Variants in ALG5 observed in about 807,000 individuals in gnomAD.
ALG5 encodes the protein dolichyl-phosphate beta-glucosyltransferase.
ALG5 carries 26 observed loss-of-function variants against 51.8 expected under a neutral mutation model. The observed-to-expected ratio is 0.50, with a 90% confidence interval of 0.37 to 0.70. The LOEUF (loss-of-function observed/expected upper bound fraction) is 0.70, where lower values mean the gene tolerates loss of function less well. Among genes scored for constraint, ALG5 ranks in the 30% least tolerant of loss-of-function variants. The pLI, the probability that ALG5 is intolerant of heterozygous loss-of-function variation, is 0.00. For synonymous variants in ALG5, 141 were observed against 136.1 expected, an observed-to-expected ratio of 1.04 and a Z score of -0.25; for missense variants, 311 against 399.3, an observed-to-expected ratio of 0.78 and a Z score of 1.88.
chr13:36,982,253 G>C (rs965670798), intron 6 of ALG5, among the ~76,000 whole-genome samples: 2 of 152,186 alleles, frequency 1.3e-5, no homozygotes, highest in Non-Finnish European at 2.9e-5. Flanking sequence ...CAATGGAAGG[G>C]GGTGATTAAA....
chr13:36,964,535 A>G (rs1353044000), intron 8 of ALG5, among the ~76,000 whole-genome samples: 1 of 152,202 alleles, frequency 6.6e-6, no homozygotes, highest in Non-Finnish European at 1.5e-5. Flanking sequence ...TATCTCCAGT[A>G]TATTTCAAAA....
At chr13:36,978,772 C>A (rs893457253) in intron 6 of ALG5, among the ~76,000 whole-genome samples, 1 of 151,246 alleles carries the variant, frequency 6.6e-6, no homozygotes, top group Non-Finnish European at 1.5e-5. Flanking sequence ...AAAAGTTAGC[C>A]GGGCCTGGTG....
chr13:36,963,711 A>G (rs2058878852), intron 8 of ALG5, among the ~76,000 whole-genome samples: 1 of 152,240 alleles, frequency 6.6e-6, no homozygotes, highest in African/African-American at 2.4e-5. Flanking sequence ...CTGAATGATA[A>G]TTCTGAAAAT....
At chr13:36,960,295 G>C (rs141001401) in intron 8 of ALG5, among the ~76,000 whole-genome samples, 2 of 152,194 alleles carry the variant, frequency 1.3e-5, no homozygotes, top group East Asian at 1.9e-4. Context: ...CTGAACAACT[G>C]AGAAATAGCT....
At chr13:36,995,128 C>CT (rs1277536235) in intron 2 of ALG5, 93 bp from the exon 3 acceptor site, 15 of 1,087,196 alleles carry the variant, frequency 1.4e-5, no homozygotes, top group Non-Finnish European at 1.9e-5. Context: ...TCCCAATAAT[C>CT]TAACAAGCCC....
At chr13:36,988,727 G>C (rs749000057) in intron 5 of ALG5, among the ~76,000 whole-genome samples, 2 of 150,184 alleles carry the variant, frequency 1.3e-5, no homozygotes, top group Non-Finnish European at 2.9e-5. Flanking sequence ...TCTCCTTCCT[G>C]TTGAATGTGG....
At chr13:36,974,108 G>A (rs995746206) in intron 6 of ALG5, among the ~76,000 whole-genome samples, 5 of 152,140 alleles carry the variant, frequency 3.3e-5, no homozygotes, top group African/African-American at 1.2e-4. Flanking sequence ...GAATGAGGAA[G>A]GTCTTTATGC....
intron 4 of ALG5, among the ~76,000 whole-genome samples, chr13:36,990,582 T>C (rs1312282446): frequency 1.7e-5 from 2 of 119,598 alleles, no homozygotes; most frequent in Non-Finnish European, 3.4e-5. Context: ...GGCTTAATTA[T>C]AGCTTATATT....
Position 36,971,269 on chromosome 13 carries a change from A to T in ALG5, c.621+708T>A, listed in dbSNP as rs181760957. On this transcript the variant is annotated intron_variant, in intron 7 of 9. Transcript: ENST00000239891. The stretch of plus-strand genomic sequence containing the variant: ...CTAAGAGGAATGAGGTTAAAAAAAA[A>T]TTTTTAACTGAATAAAATTCAAAAT... Among the ~76,000 whole-genome samples the T allele has an allele frequency of 4.6e-3, 708 of 152,296 alleles. 3 individuals are homozygous for T. The highest frequency in any genetic ancestry group is 0.015 in the African/African-American group (622 of 41,544).
intron 8 of ALG5, among the ~76,000 whole-genome samples, chr13:36,956,390 T>A (rs1441389199): frequency 1.3e-5 from 2 of 152,140 alleles, no homozygotes; most frequent in Non-Finnish European, 2.9e-5. Context: ...GAATGTAAAT[T>A]AGTATAGTGA....
At position 36,993,633 on chromosome 13, in the gene ALG5, C is replaced by T. The variant is rs1174237998; in HGVS notation, c.325G>A (p.Asp109Asn). 6.2e-7 allele frequency: 1 copy of T among 1,613,684 alleles called. No homozygotes were observed. Among genetic ancestry groups the T allele is most frequent in the Non-Finnish European group, 8.5e-7 (1 of 1,179,966 alleles). The stretch of plus-strand genomic sequence containing the variant: ...GAGGTCTGATCTTTACTGCCATCAT[C>T]AACTACTATCACTTCATAAGTGAAC... ...PAFTYEVIVV[D>N]DGSKDQTSKV... The change falls in exon 4 of 10, where the codon GAT becomes AAT. Residue 109 changes from aspartate (D) to asparagine (N), a missense_variant. By Grantham distance (23) the Asp-to-Asn change is conservative. Coordinates refer to ENST00000239891, the MANE Select transcript of ALG5 (RefSeq NM_013338.5).
Position 36,989,508 on chromosome 13 carries a change from A to G in ALG5, c.423T>C (p.Arg141=). ...KVRVITLVKN[R]GKGGAIRMGI... ...CCATTCTAATCGCTCCACCTTTTCC[A>G]CGATTCTTCACCAGGGTTATCACAC... The change falls in exon 5 of 10, where the codon CGT becomes CGC. Residue 141 remains arginine (R), a synonymous_variant. Transcript: ENST00000239891. The G allele has an allele frequency of 6.2e-7, 1 of 1,612,590 alleles. No homozygotes were observed. The highest frequency in any genetic ancestry group is 8.5e-7 in the Non-Finnish European group (1 of 1,179,128).
chr13:36,997,308 A>G (rs2059055288), intron 1 of ALG5, among the ~76,000 whole-genome samples: 1 of 151,972 alleles, frequency 6.6e-6, no homozygotes, highest in Admixed American at 6.6e-5. Flanking sequence ...CCCCATCTCT[A>G]TTAAAAGTAC....
At chr13:36,951,056 A>G (rs761170159) in intron 9 of ALG5, among the ~76,000 whole-genome samples, 1 of 152,174 alleles carries the variant, frequency 6.6e-6, no homozygotes, top group Non-Finnish European at 1.5e-5. Flanking sequence ...CCACCAAAGC[A>G]CTGTAGAGAC....
At chr13:36,966,876 C>T (rs1413090111) in intron 7 of ALG5, among the ~76,000 whole-genome samples, 1 of 151,994 alleles carries the variant, frequency 6.6e-6, no homozygotes, top group Non-Finnish European at 1.5e-5. Context: ...CTTTGCATGG[C>T]TTTTTCCATC....
intron 6 of ALG5, among the ~76,000 whole-genome samples, chr13:36,975,792 G>A (rs1036476721): frequency 6.6e-6 from 1 of 151,844 alleles, no homozygotes. Context: ...AGGCCGAAGT[G>A]GGCACATCAC....
At chr13:36,967,661 A>G (rs1468248670) in intron 7 of ALG5, 3 of 428,468 alleles carry the variant, frequency 7.0e-6, no homozygotes, top group African/African-American at 6.2e-5. Context: ...GTTGATGTAA[A>G]TATGTCTTAC....
At chr13:36,994,797 G>C (rs1160234324) in intron 3 of ALG5, among the ~76,000 whole-genome samples, 192 bp downstream of exon 3, 2 of 151,888 alleles carry the variant, frequency 1.3e-5, no homozygotes, top group Admixed American at 6.6e-5. Flanking sequence ...TTTGTCCTGG[G>C]TCAACGACCT....
intron 8 of ALG5, among the ~76,000 whole-genome samples, chr13:36,953,283 AATCTCCAGTGT>A (rs1479241462): frequency 6.6e-6 from 1 of 152,192 alleles, no homozygotes; most frequent in African/African-American, 2.4e-5. Flanking sequence ...TTCCAGTCTA[AATCTCCAGTGT>A]ATCCTTCCTT....
Sources: allele counts gnomAD v4.1 joint callset (sites outside exome capture counted in the v4.1 genomes callset), GRCh38; gene constraint gnomAD v4.1.1; transcripts MANE v1.5; gene names NCBI Gene and HGNC (gene_info 2026-07-23, HGNC 2026-07-21).